SLTM: variants seen among roughly 807,000 people sequenced by gnomAD.
SLTM encodes the protein SAFB like transcription modulator.
In SLTM, 43 loss-of-function variants were observed where a neutral mutation model predicts 134.6. The ratio of observed to expected loss-of-function variants is 0.32; its 90% CI spans 0.25 to 0.41. SLTM has a LOEUF of 0.41. Ranked by LOEUF, SLTM falls within the 10% of genes least tolerant of loss-of-function variation. The pLI, the probability that SLTM is intolerant of heterozygous loss-of-function variation, is 1.00. For synonymous variants in SLTM, 424 were observed against 432.3 expected (o/e 0.98, Z 0.24); for missense variants, 1,055 against 1,288.8 (o/e 0.82, Z 2.78).
At chr15:58,920,018 A>T (rs778087151) in intron 2 of SLTM, among the ~76,000 whole-genome samples, 7 of 152,160 alleles carry the variant, frequency 4.6e-5, no homozygotes, top group Non-Finnish European at 8.8e-5. Context: ...AATTAATTCA[A>T]CTTAATTATC....
In SLTM at chr15:58,892,969, T is replaced by C; in HGVS notation, c.1826A>G (p.Lys609Arg). Reference sequence around the variant, plus strand: ...TTCTCTCAACCTTTGTTCCTTCATCTTTTCAAAAGGCAAGATCTCTTTCCT... The same window carrying C: ...TTCTCTCAACCTTTGTTCCTTCATCCTTTCAAAAGGCAAGATCTCTTTCCT... ...YRRKEILPFEKMKEQRLREHL... is the reference protein window; with the variant it reads ...YRRKEILPFERMKEQRLREHL... The change falls in exon 14 of 21, where the codon AAG (lysine) becomes AGG (arginine). Residue 609 changes from lysine to arginine, a missense_variant. This residue lies in a region of SLTM where 776 missense variants were observed against 962.2 expected (regional missense o/e 0.81). Coordinates refer to ENST00000380516, the MANE Select transcript of SLTM (RefSeq NM_024755.4). 1 of 1,613,864 alleles carries C rather than the reference T, an allele frequency of 6.2e-7. No homozygotes were observed. The highest frequency in any genetic ancestry group is 8.5e-7 in the Non-Finnish European group (1 of 1,179,904).
chr15:58,924,671 A>C (rs1234617483), intron 2 of SLTM, among the ~76,000 whole-genome samples: 1 of 152,204 alleles, frequency 6.6e-6, no homozygotes, highest in African/African-American at 2.4e-5. Flanking sequence ...TTTGGATGAT[A>C]AATTGGCTTT....
At position 58,932,448 on chromosome 15, in the gene SLTM, A is replaced by G. The variant is rs1363126672; in HGVS notation, c.163-5T>C. 1.1e-5 allele frequency: 18 copies of G among 1,590,058 alleles called. No individual in the cohort carries two copies. Among genetic ancestry groups the G allele is most frequent in the Non-Finnish European group, 1.6e-5 (18 of 1,158,338 alleles). Reference sequence around the variant, plus strand: ...GCCTCCTTCCTCTTCAATAGCCTACATTAGAAAGAGAAGTTAATATGCTAC... The same window carrying G: ...GCCTCCTTCCTCTTCAATAGCCTACGTTAGAAAGAGAAGTTAATATGCTAC... On this transcript the variant is annotated splice_region_variant and splice_polypyrimidine_tract_variant and intron_variant, in intron 1 of 20. Coordinates refer to ENST00000380516, the MANE Select transcript of SLTM (RefSeq NM_024755.4).
At chr15:58,895,892 T>G (rs1287788214) in intron 9 of SLTM, among the ~76,000 whole-genome samples, 1 of 152,178 alleles carries the variant, frequency 6.6e-6, no homozygotes, top group African/African-American at 2.4e-5. Context: ...CAGGTTTTGG[T>G]AATATTAATG....
intron 5 of SLTM, among the ~76,000 whole-genome samples, chr15:58,903,556 A>T (rs1485041391): frequency 1.8e-5 from 2 of 109,512 alleles, no homozygotes; most frequent in African/African-American, 6.9e-5. Context: ...GGGAGGGGGG[A>T]GGGATAGCAT....
At chr15:58,902,824 A>G (rs565569086) in intron 5 of SLTM, among the ~76,000 whole-genome samples, 25 of 152,120 alleles carry the variant, frequency 1.6e-4, no homozygotes, top group Non-Finnish European at 2.6e-4. Flanking sequence ...CCTGTGTTCA[A>G]GCAATTCTCC....
chr15:58,907,180 C>T (rs1393843411), intron 5 of SLTM, among the ~76,000 whole-genome samples: 4 of 151,986 alleles, frequency 2.6e-5, no homozygotes, highest in South Asian at 2.1e-4. Flanking sequence ...GTGAATCTGG[C>T]TGTGAGAGGT....
intron 19 of SLTM, 132 bp downstream of exon 19, chr15:58,886,843 A>C: frequency 1.8e-6 from 2 of 1,088,774 alleles, no homozygotes; most frequent in South Asian, 1.8e-5. Flanking sequence ...TTAAATAAAA[A>C]ATTAATGCCT....
intron 2 of SLTM, among the ~76,000 whole-genome samples, chr15:58,931,669 T>C (rs1018054498): frequency 6.2e-4 from 95 of 152,320 alleles, no homozygotes; most frequent in African/African-American, 2.0e-3. Context: ...CTAAGTTCCA[T>C]TCATACTGCA....
chr15:58,922,556 T>C (rs1206785203), intron 2 of SLTM, among the ~76,000 whole-genome samples: 3 of 6,504 alleles, frequency 4.6e-4, no homozygotes, highest in Admixed American at 1.5e-3. Context: ...ATGTATATAA[T>C]ATGTATATAA....
chr15:58,932,191 C>A, intron 2 of SLTM, 165 bp downstream of exon 2: 1 of 595,032 alleles, frequency 1.7e-6, no homozygotes. Context: ...CTACAAGTCA[C>A]CCAAAGCCTG....
At chr15:58,929,448 C>CAA (rs1379846120) in intron 2 of SLTM, among the ~76,000 whole-genome samples, 1 of 150,986 alleles carries the variant, frequency 6.6e-6, no homozygotes, top group Admixed American at 6.6e-5. Flanking sequence ...AACTCCATCT[C>CAA]AAAAAAAAGA....
chr15:58,909,905 T>G (rs1331318919), intron 5 of SLTM, among the ~76,000 whole-genome samples: 1 of 152,206 alleles, frequency 6.6e-6, no homozygotes, highest in Non-Finnish European at 1.5e-5. Context: ...ATAAGCAAGT[T>G]GCTTTTTTCA....
intron 19 of SLTM, among the ~76,000 whole-genome samples, chr15:58,885,684 T>C (rs1211838789): frequency 6.6e-6 from 1 of 152,092 alleles, no homozygotes; most frequent in African/African-American, 2.4e-5. Flanking sequence ...ATCGGGAGGC[T>C]GAGGAAGGAA....
At chr15:58,923,486 T>C (rs1375157976) in intron 2 of SLTM, among the ~76,000 whole-genome samples, 1 of 152,230 alleles carries the variant, frequency 6.6e-6, no homozygotes, top group African/African-American at 2.4e-5. Flanking sequence ...AACCCCATCC[T>C]GTCAATACAT....
intron 17 of SLTM, 32 bp downstream of exon 17, chr15:58,888,353 A>G (rs1340275279): frequency 1.9e-6 from 3 of 1,549,128 alleles, no homozygotes; most frequent in Admixed American, 2.0e-5. Context: ...CAAGGCTCAT[A>G]AAATAAATAT....
chr15:58,922,804 G>A (rs966016993), intron 2 of SLTM, among the ~76,000 whole-genome samples: 1 of 150,830 alleles, frequency 6.6e-6, no homozygotes, highest in Admixed American at 6.7e-5. Context: ...CCTCCATCTT[G>A]TGGGTTCGAG....
intron 12 of SLTM, 113 bp downstream of exon 12, chr15:58,893,708 T>C: frequency 8.7e-7 from 1 of 1,155,644 alleles, no homozygotes; most frequent in Non-Finnish European, 1.2e-6. Flanking sequence ...CCTACCACAA[T>C]GACACCTAAC....
At chr15:58,932,729 T>C (rs1041905120) in intron 1 of SLTM, among the ~76,000 whole-genome samples, 1 of 152,250 alleles carries the variant, frequency 6.6e-6, no homozygotes, top group African/African-American at 2.4e-5. Flanking sequence ...TATGTTCTAT[T>C]GCAGAAAAGT....
Sources: gnomAD v4.1 joint callset for allele counts (sites outside exome capture counted in the v4.1 genomes callset) on GRCh38, gnomAD v4.1.1 for gene constraint, gnomAD v4.1.1 regional missense constraint, MANE v1.5 for transcripts, NCBI Gene and HGNC (gene_info 2026-07-23, HGNC 2026-07-21) for gene names.